NFIB: variants seen among roughly 807,000 people sequenced by gnomAD.
NFIB encodes the protein nuclear factor 1 B-type.
Under a neutral mutation model 61.5 loss-of-function variants are expected in NFIB, and 11 were observed. The observed-to-expected ratio is 0.18, with a 90% CI of 0.11 to 0.30. NFIB has a LOEUF of 0.30. Ranked by LOEUF, NFIB falls within the 10% of genes least tolerant of loss-of-function variation. The pLI, the probability that NFIB is intolerant of heterozygous loss-of-function variation, is 1.00. For synonymous variants in NFIB, 260 were observed against 216.5 expected (o/e 1.20, Z -1.76); for missense variants, 471 against 608.9 (o/e 0.77, Z 2.38).
intron 2 of NFIB, among the ~76,000 whole-genome samples, chr9:14,182,566 A>G (rs553973551): frequency 2.6e-5 from 4 of 152,168 alleles, no homozygotes; most frequent in Non-Finnish European, 5.9e-5. Flanking sequence ...GGTTGACTTC[A>G]GAGAAGGAAT....
At chr9:14,146,924 T>G in intron 5 of NFIB, 117 bp from the exon 6 acceptor site, 4 of 1,335,270 alleles carry the variant, frequency 3.0e-6, no homozygotes, top group Non-Finnish European at 4.2e-6. Flanking sequence ...CAAGTAATAA[T>G]GGTGAGTATA....
chr9:14,303,999 C>A (rs1407556328), intron 2 of NFIB, among the ~76,000 whole-genome samples: 1 of 152,172 alleles, frequency 6.6e-6, no homozygotes, highest in African/African-American at 2.4e-5. Flanking sequence ...GACTGAATTG[C>A]GGTCAACCAG....
At chr9:14,143,385 A>C (rs2041960701) in intron 6 of NFIB, among the ~76,000 whole-genome samples, 1 of 152,130 alleles carries the variant, frequency 6.6e-6, no homozygotes, top group Non-Finnish European at 1.5e-5. Context: ...ACTCAGAATA[A>C]ATCTCAATGG....
At chr9:14,177,928 A>G (rs573339113) in intron 3 of NFIB, among the ~76,000 whole-genome samples, 1 of 152,296 alleles carries the variant, frequency 6.6e-6, no homozygotes, top group African/African-American at 2.4e-5. Flanking sequence ...ATAACTATTC[A>G]AGGATTATTT....
chr9:14,338,500 A>C (rs895284205), intron 1 of NFIB, among the ~76,000 whole-genome samples: 7 of 152,218 alleles, frequency 4.6e-5, no homozygotes, highest in African/African-American at 1.7e-4. Context: ...GCAATCTATC[A>C]GCTGTGTGTT....
chr9:14,148,703 G>GT (rs141172457), intron 5 of NFIB, among the ~76,000 whole-genome samples: 3,559 of 152,188 alleles, frequency 0.023, 185 homozygotes, highest in East Asian at 0.18. Flanking sequence ...CCACTGCACT[G>GT]TGTTTCCAAG....
intron 2 of NFIB, among the ~76,000 whole-genome samples, chr9:14,219,746 C>T (rs566907666): frequency 1.3e-5 from 2 of 152,310 alleles, no homozygotes; most frequent in African/African-American, 4.8e-5. Context: ...AATAATACTA[C>T]ATTTGATGGG....
the NFIB span, among the ~76,000 whole-genome samples, chr9:14,518,427 C>A: frequency 6.6e-6 from 1 of 151,928 alleles, no homozygotes; most frequent in Non-Finnish European, 1.5e-5. Flanking sequence ...TGGTAAGAGT[C>A]TTCCTGATGA....
chr9:14,385,221 A>G lies in NFIB; in HGVS notation c.108+13303T>C, dbSNP rs527720289. ...CACCCACTCAGCCGATGAGGAAACT[A>G]AAGTTCAGAGAGGCTAAGGAACTTA... On this transcript the variant is annotated intron_variant, in intron 1 of 8. Transcript: ENST00000380934. 2.0e-5 allele frequency among the ~76,000 whole-genome samples: 3 copies of G among 152,294 alleles called. No individual in the cohort carries two copies. In the East Asian group the frequency reaches 5.8e-4, roughly 29 times the overall value.
At chr9:14,465,716 C>A in the NFIB span, among the ~76,000 whole-genome samples, 7 of 152,196 alleles carry the variant, frequency 4.6e-5, no homozygotes, top group South Asian at 1.5e-3. Context: ...CACCAGGATG[C>A]AATGGAACAT....
chr9:14,220,884 C>T (rs1418720117), intron 2 of NFIB, among the ~76,000 whole-genome samples: 1 of 148,186 alleles, frequency 6.7e-6, no homozygotes, highest in Non-Finnish European at 1.5e-5. Context: ...CACACACACA[C>T]ACCACATCCC....
At chr9:14,509,537 A>AT in the NFIB span, among the ~76,000 whole-genome samples, 1 of 152,196 alleles carries the variant, frequency 6.6e-6, no homozygotes, top group Non-Finnish European at 1.5e-5. Flanking sequence ...TACTACTATC[A>AT]TAAGCCAACA....
intron 6 of NFIB, among the ~76,000 whole-genome samples, chr9:14,133,295 T>C (rs925269218): frequency 1.4e-4 from 22 of 152,132 alleles, no homozygotes; most frequent in African/African-American, 4.6e-4. Flanking sequence ...CATCACTCCA[T>C]TGAAACTCTG....
intron 3 of NFIB, among the ~76,000 whole-genome samples, chr9:14,156,716 C>T (rs1176577914): frequency 6.6e-6 from 1 of 152,122 alleles, no homozygotes; most frequent in Non-Finnish European, 1.5e-5. Context: ...GCACCCAGCC[C>T]ACCCCATTCT....
chr9:14,281,428 GAC>G (rs1243358957), intron 2 of NFIB, among the ~76,000 whole-genome samples: 1 of 152,238 alleles, frequency 6.6e-6, no homozygotes, highest in East Asian at 1.9e-4. Flanking sequence ...AAACACAACA[GAC>G]AGTGGTAAAA....
At chr9:14,133,421 T>A (rs888072413) in intron 6 of NFIB, among the ~76,000 whole-genome samples, 6 of 152,176 alleles carry the variant, frequency 3.9e-5, no homozygotes, top group Admixed American at 2.6e-4. Flanking sequence ...AAAAGAACCA[T>A]CTGTATAAGA....
At chr9:14,102,739 T>C (rs948456228) in intron 10 of NFIB, among the ~76,000 whole-genome samples, 7 of 152,120 alleles carry the variant, frequency 4.6e-5, no homozygotes, top group Non-Finnish European at 2.9e-5. Flanking sequence ...AATTAAAGCA[T>C]ACAAGAGAAA....
chr9:14,503,887 G>T, the NFIB span, among the ~76,000 whole-genome samples: 2 of 152,112 alleles, frequency 1.3e-5, no homozygotes, highest in Admixed American at 6.6e-5. Context: ...TGGTCATGAA[G>T]TCTTCGCCTA....
chr9:14,427,829 A>T, the NFIB span, among the ~76,000 whole-genome samples: 8 of 151,682 alleles, frequency 5.3e-5, no homozygotes, highest in Non-Finnish European at 1.2e-4. Flanking sequence ...AGACAAAGAA[A>T]TGCCTAAAGG....
Sources: allele counts gnomAD v4.1 joint callset (sites outside exome capture counted in the v4.1 genomes callset), GRCh38; gene constraint gnomAD v4.1.1; transcripts MANE v1.5; gene names NCBI Gene and HGNC (gene_info 2026-07-23, HGNC 2026-07-21).